AGFG1: variants seen among roughly 807,000 people sequenced by gnomAD.
AGFG1 encodes the protein ArfGAP with FG repeats 1, also known as arf-GAP domain and FG repeat-containing protein 1.
In AGFG1, 10 loss-of-function variants were observed where a neutral mutation model predicts 60.6. That is an observed-to-expected ratio of 0.16 (90% confidence interval 0.10 to 0.28). AGFG1 has a LOEUF of 0.28. Ranked by LOEUF, AGFG1 falls within the 10% of genes least tolerant of loss-of-function variation. The pLI, the probability that AGFG1 is intolerant of heterozygous loss-of-function variation, is 1.00. For missense variants in AGFG1, 537 were observed against 676.5 expected (o/e 0.79, Z 2.29); for synonymous variants, 247 against 242.9 (o/e 1.02, Z -0.16).
At chr2:227,509,726 C>T (rs545165651) in intron 2 of AGFG1, among the ~76,000 whole-genome samples, 1 of 151,912 alleles carries the variant, frequency 6.6e-6, no homozygotes, top group African/African-American at 2.4e-5. Flanking sequence ...AATTAAAAAA[C>T]CAAGCAGAAC....
At chr2:227,520,873 G>A (rs1691804092) in intron 3 of AGFG1, among the ~76,000 whole-genome samples, 1 of 152,168 alleles carries the variant, frequency 6.6e-6, no homozygotes, top group African/African-American at 2.4e-5. Context: ...TAATGGGGAA[G>A]TAACGAGCTT....
At chr2:227,476,200 T>C (rs980925742) in intron 1 of AGFG1, among the ~76,000 whole-genome samples, 1 of 152,204 alleles carries the variant, frequency 6.6e-6, no homozygotes, top group African/African-American at 2.4e-5. Flanking sequence ...GGCAGAATGA[T>C]GAAGGCATCC....
In AGFG1 at chr2:227,531,789, C is replaced by T. The variant is rs1440112302; in HGVS notation, c.814+579C>T. ...CCATTGATTTAGGCTGACATTATAC[C>T]TCTTAATAAAGGAAGCTGGTTGCTT... is the stretch of plus-strand genomic sequence containing the variant. On this transcript the variant is annotated intron_variant, in intron 6 of 12. Coordinates refer to ENST00000310078, the MANE Select transcript of AGFG1 (RefSeq NM_004504.5). Among the ~76,000 whole-genome samples, 3 of 152,132 alleles carry T rather than the reference C, an allele frequency of 2.0e-5. No homozygotes were observed. The East Asian group carries it at 5.8e-4, about 29-fold the overall frequency.
intron 1 of AGFG1, among the ~76,000 whole-genome samples, chr2:227,473,672 G>T (rs971641589): frequency 1.3e-5 from 2 of 152,112 alleles, no homozygotes; most frequent in African/African-American, 4.8e-5. Flanking sequence ...TACTAACAAC[G>T]TGGCAGTTAC....
chr2:227,524,712 A>G, intron 4 of AGFG1, 50 bp from the exon 5 acceptor site: 1 of 1,595,938 alleles, frequency 6.3e-7, no homozygotes, highest in South Asian at 1.1e-5. Flanking sequence ...TTGTATAAAG[A>G]TTTTGCAGAT....
chr2:227,536,890 A>AT lies in AGFG1; in HGVS notation c.1286-5dup. On this transcript the variant is annotated splice_polypyrimidine_tract_variant and intron_variant, in intron 9 of 12. Coordinates refer to ENST00000310078, the MANE Select transcript of AGFG1 (RefSeq NM_004504.5). ...TTAGGATTTTATAGTGTATTTTATA[A>AT]TTTTTTAAAGCTACGCCTTCCACAA... 6.2e-7 allele frequency: 1 copy of AT among 1,608,606 alleles called. No individual in the cohort carries two copies.
Position 227,485,422 on chromosome 2 carries a change from T to C in AGFG1, c.168-6125T>C, listed in dbSNP as rs1054345791. 7.0e-3 allele frequency among the ~76,000 whole-genome samples: 923 copies of C among 131,524 alleles called. 5 individuals are homozygous for C. The highest frequency in any genetic ancestry group is 0.011 in the Non-Finnish European group (652 of 60,770). The allele number at this position is 131,524 out of a possible 152,430, so 86.3% of individuals were successfully genotyped here. ...CAGCTAATTTTTTTTTTTTTTTTTT[T>C]CCAGTAGAGATGGGGTTTCACCAGG... On this transcript the variant is annotated intron_variant, in intron 1 of 12. Coordinates refer to ENST00000310078, the MANE Select transcript of AGFG1 (RefSeq NM_004504.5).
At chr2:227,524,977 T>C in intron 5 of AGFG1, 62 bp downstream of exon 5, 1 of 1,575,402 alleles carries the variant, frequency 6.3e-7, no homozygotes, top group Non-Finnish European at 8.7e-7. Flanking sequence ...GAAACATCAA[T>C]TCTTTATCAC....
intron 10 of AGFG1, among the ~76,000 whole-genome samples, chr2:227,547,779 G>A (rs1692696388): frequency 6.6e-6 from 1 of 152,108 alleles, no homozygotes; most frequent in African/African-American, 2.4e-5. Context: ...AAAACATTTT[G>A]GCAGTTCCTC....
intron 10 of AGFG1, among the ~76,000 whole-genome samples, chr2:227,542,248 AG>A (rs1692512499): frequency 6.6e-6 from 1 of 152,196 alleles, no homozygotes; most frequent in African/African-American, 2.4e-5. Context: ...CAGTTTTCAA[AG>A]GGAATGCTTC....
Position 227,554,690 on chromosome 2 carries a change from T to C in AGFG1, c.*195T>C, listed in dbSNP as rs1291809000. ...CCAGTAACACCTTCTAACCTGTGAA[T>C]TGGCAGAAAAGGGTAGCGGTATCAT... is the stretch of plus-strand genomic sequence containing the variant. On this transcript the variant is annotated 3_prime_UTR_variant, in exon 13 of 13. Coordinates refer to ENST00000310078, the MANE Select transcript of AGFG1 (RefSeq NM_004504.5). 1 of 487,802 alleles carries C rather than the reference T, an allele frequency of 2.1e-6. No individual in the cohort carries two copies. Among genetic ancestry groups the C allele is most frequent in the African/African-American group, 1.9e-5 (1 of 51,380 alleles). The allele number at this position is 487,802 out of a possible 1,614,324, so 30.2% of individuals were successfully genotyped here. A position where few individuals can be genotyped will look rare whatever the true frequency, so the allele number is the denominator to read the frequency against.
chr2:227,551,398 C>G (rs1304107875), intron 10 of AGFG1, among the ~76,000 whole-genome samples: 1 of 152,012 alleles, frequency 6.6e-6, no homozygotes, highest in Non-Finnish European at 1.5e-5. Context: ...AAGAGAATCT[C>G]TCTTCTCTGG....
intron 8 of AGFG1, among the ~76,000 whole-genome samples, chr2:227,535,679 A>G (rs964629958): frequency 2.0e-5 from 3 of 152,202 alleles, no homozygotes; most frequent in African/African-American, 7.2e-5. Flanking sequence ...CTGTTTTCCA[A>G]TCCTGTGGAT....
At chr2:227,479,019 A>G (rs1220786681) in intron 1 of AGFG1, among the ~76,000 whole-genome samples, 2 of 152,222 alleles carry the variant, frequency 1.3e-5, no homozygotes, top group African/African-American at 2.4e-5. Context: ...ATACTATACC[A>G]GACAAATTTT....
intron 1 of AGFG1, among the ~76,000 whole-genome samples, chr2:227,489,936 C>T (rs994506531): frequency 1.3e-5 from 2 of 152,058 alleles, no homozygotes; most frequent in African/African-American, 2.4e-5. Flanking sequence ...ATGCCTCAGC[C>T]TCCCGAGTAG....
chr2:227,511,442 A>G (rs1453573425), intron 2 of AGFG1, among the ~76,000 whole-genome samples: 1 of 152,208 alleles, frequency 6.6e-6, no homozygotes, highest in Non-Finnish European at 1.5e-5. Flanking sequence ...GAAAGTAGTC[A>G]TAGACAATAC....
intron 2 of AGFG1, among the ~76,000 whole-genome samples, chr2:227,495,522 G>A (rs953596336): frequency 1.3e-5 from 2 of 149,624 alleles, no homozygotes; most frequent in African/African-American, 2.5e-5. Context: ...CACCAGCCTC[G>A]GTGACCAAGC....
chr2:227,550,084 A>G (rs1238234924), intron 10 of AGFG1: 11 of 444,670 alleles, frequency 2.5e-5, no homozygotes, highest in Non-Finnish European at 5.1e-5. Flanking sequence ...TGCATTCTCA[A>G]GTGTTTCCTC....
chr2:227,524,780 T>C lies in AGFG1; in HGVS notation c.559T>C (p.Ser187Pro), dbSNP rs747198025. 1.2e-6 allele frequency: 2 copies of C among 1,614,150 alleles called. No individual in the cohort carries two copies. The highest frequency in any genetic ancestry group is 1.7e-6 in the Non-Finnish European group (2 of 1,179,980). ...TTTGTAGTCCCCAGTTGTAGGTCGT[T>C]CTCAAGGGCAGCAGCAGGAGAAGAA... ...TPSQSPVVGR[S>P]QGQQQEKKQF... The change falls in exon 5 of 13, where the codon TCT becomes CCT. Residue 187 changes from serine (S) to proline (P), a missense_variant. By Grantham distance (74) the Ser-to-Pro change is moderately conservative. Transcript: ENST00000310078.
Sources: allele counts gnomAD v4.1 joint callset (sites outside exome capture counted in the v4.1 genomes callset), GRCh38; gene constraint gnomAD v4.1.1; transcripts MANE v1.5; gene names NCBI Gene and HGNC (gene_info 2026-07-23, HGNC 2026-07-21).